The following TPRA1 variants were observed in gnomAD, a reference collection of about 807,000 sequenced individuals.
TPRA1 encodes the protein transmembrane protein adipocyte associated 1.
TPRA1 carries 28 observed loss-of-function variants against 40.1 expected under a neutral mutation model. The ratio of observed to expected loss-of-function variants is 0.70; its 90% CI spans 0.52 to 0.96. The LOEUF is 0.96. Among genes scored for constraint, TPRA1 ranks in the 40% least tolerant of loss-of-function variants. The pLI is 0.00. For missense variants in TPRA1, 441 were observed against 482.6 expected, an observed-to-expected ratio of 0.91 and a Z score of 0.81; for synonymous variants, 219 against 209.7, an observed-to-expected ratio of 1.04 and a Z score of -0.38.
rs755765427 is a variant in TPRA1, at chr3:127,576,947, C to A, written c.345+43G>T. ...CTGGACCAGCATCCCCAGCCCACCC[C>A]AGGCCAGGCCTCCCTGGCCTCCCTC... On this transcript the variant is annotated intron_variant, in intron 4 of 10. Coordinates refer to ENST00000355552, the MANE Select transcript of TPRA1 (RefSeq NM_001136053.4). The surrounding 1 kb of genome is among the most constrained non-coding windows in gnomAD (Gnocchi z 4.6). The A allele has an allele frequency of 1.2e-6, 2 of 1,613,396 alleles. No homozygotes were observed. Among genetic ancestry groups the A allele is most frequent in the African/African-American group, 2.7e-5 (2 of 75,056 alleles).
chr3:127,581,909 G>A (rs797003750), intron 1 of TPRA1, among the ~76,000 whole-genome samples: 23 of 146,030 alleles, frequency 1.6e-4, no homozygotes, highest in African/African-American at 5.3e-4. Context: ...GCGACAGAGC[G>A]AGACTCCATC....
chr3:127,591,539 C>T (rs1012962717), upstream of TPRA1, among the ~76,000 whole-genome samples: 4 of 152,312 alleles, frequency 2.6e-5, no homozygotes, highest in African/African-American at 9.6e-5. Context: ...ATGCGGGTCT[C>T]TGTTTCTGTC....
intron 1 of TPRA1, among the ~76,000 whole-genome samples, chr3:127,580,693 C>T (rs986626366): frequency 6.6e-6 from 1 of 152,264 alleles, no homozygotes; most frequent in African/African-American, 2.4e-5. Flanking sequence ...TCAGAGGCCA[C>T]TGACTTGTGT....
At position 127,572,195 on chromosome 3, in the gene TPRA1, G is replaced by A. The variant is rs768397826; in HGVS notation, c.*1326C>T. Among the ~76,000 whole-genome samples, 9 of 152,182 alleles carry A rather than the reference G, an allele frequency of 5.9e-5. No individual in the cohort carries two copies. Among genetic ancestry groups the A allele is most frequent in the Non-Finnish European group, 1.2e-4 (8 of 68,022 alleles). ...CATTGGCCCCACAGACATGAGCTGT[G>A]TTGGAGCTTGTGCCCTCGGCACCCC... On this transcript the variant is annotated 3_prime_UTR_variant, in exon 11 of 11. Coordinates refer to ENST00000355552, the MANE Select transcript of TPRA1 (RefSeq NM_001136053.4).
At position 127,576,986 on chromosome 3, in the gene TPRA1, GCACCTTATCAGCAA is replaced by G. The variant is rs764149203; in HGVS notation, c.335_345+3del. On this transcript the variant is annotated splice_donor_variant and splice_donor_region_variant and coding_sequence_variant and intron_variant, in exon 4 of 11. Coordinates refer to ENST00000355552, the MANE Select transcript of TPRA1 (RefSeq NM_001136053.4). LOFTEE classifies it high-confidence loss of function. This position sits in a 1 kb window ranked among gnomAD's most constrained non-coding sequence, Gnocchi z 4.6. ...CTGGCCTCCCTCAGAGGGCCCAGCC[GCACCTTATCAGCAA>G]CAGTTGCAGCGTTCGAGGTGCTCAC... The G allele has an allele frequency of 6.2e-7, 1 of 1,613,748 alleles. No homozygotes were observed. Among genetic ancestry groups the G allele is most frequent in the Admixed American group, 1.7e-5 (1 of 60,034 alleles).
At chr3:127,575,658 A>C in intron 8 of TPRA1, 91 bp downstream of exon 8, 1 of 1,548,116 alleles carries the variant, frequency 6.5e-7, no homozygotes, top group East Asian at 2.3e-5. Flanking sequence ...CTGGAACTCT[A>C]CAGCTCCAGC....
rs200958068 is a variant in TPRA1, at chr3:127,576,968, C to T, written c.345+22G>A. The T allele has an allele frequency of 2.9e-5, 47 of 1,613,606 alleles. 1 individual carries two copies. The East Asian group carries it at 9.8e-4, about 34-fold the overall frequency. On this transcript the variant is annotated intron_variant, in intron 4 of 10. Coordinates refer to ENST00000355552, the MANE Select transcript of TPRA1 (RefSeq NM_001136053.4). This position sits in a 1 kb window ranked among gnomAD's most constrained non-coding sequence, Gnocchi z 4.6. The stretch of plus-strand genomic sequence containing the variant: ...ACCCCAGGCCAGGCCTCCCTGGCCT[C>T]CCTCAGAGGGCCCAGCCGCACCTTA...
chr3:127,572,576 G>A lies in TPRA1; in HGVS notation c.*945C>T, dbSNP rs1238707417. ...TCAGTCCCCGAGTCCTGTCTGCTGG[G>A]GGCCTACTATGTGCCAAGCACTATT... On this transcript the variant is annotated 3_prime_UTR_variant, in exon 11 of 11. Coordinates refer to ENST00000355552, the MANE Select transcript of TPRA1 (RefSeq NM_001136053.4). Among the ~76,000 whole-genome samples the A allele has an allele frequency of 1.3e-5, 2 of 152,120 alleles. No individual in the cohort carries two copies. Among genetic ancestry groups the A allele is most frequent in the Non-Finnish European group, 2.9e-5 (2 of 68,030 alleles).
At chr3:127,575,061 T>C in intron 10 of TPRA1, 124 bp downstream of exon 10, 2 of 1,017,650 alleles carry the variant, frequency 2.0e-6, no homozygotes, top group Non-Finnish European at 1.5e-6. Flanking sequence ...TGCATGTATG[T>C]ATGTGCGTGC....
chr3:127,592,377 T>G (rs12487975), upstream of TPRA1, among the ~76,000 whole-genome samples: 16,305 of 128,788 alleles, frequency 0.13, 1,337 homozygotes, highest in Non-Finnish European at 0.18. Flanking sequence ...GTTTTTTTTT[T>G]TTTTTTTTTT....
chr3:127,586,834 G>T (rs2074016368), intron 1 of TPRA1, among the ~76,000 whole-genome samples: 1 of 152,228 alleles, frequency 6.6e-6, no homozygotes, highest in African/African-American at 2.4e-5. Context: ...AGGCACAGAG[G>T]CCAGTGGGGA....
intron 2 of TPRA1, 65 bp downstream of exon 2, chr3:127,579,957 A>AC: frequency 1.2e-6 from 2 of 1,606,124 alleles, no homozygotes; most frequent in Admixed American, 1.7e-5. Flanking sequence ...CACCCTCACC[A>AC]CCCCCCTACA....
At chr3:127,584,537 T>C (rs1378919027) in intron 1 of TPRA1, among the ~76,000 whole-genome samples, 1 of 137,058 alleles carries the variant, frequency 7.3e-6, no homozygotes, top group Admixed American at 7.7e-5. Flanking sequence ...TGGAGCAGAA[T>C]GACAAGAAAC....
At position 127,576,527 on chromosome 3, in the gene TPRA1, AT is replaced by A; in HGVS notation, c.498+89del. 1 of 1,275,862 alleles carries A rather than the reference AT, an allele frequency of 7.8e-7. No individual in the cohort carries two copies. The highest frequency in any genetic ancestry group is 1.1e-6 in the Non-Finnish European group (1 of 927,624). The allele number at this position is 1,275,862 out of a possible 1,614,324, so 79.0% of individuals were successfully genotyped here. A position where few individuals can be genotyped will look rare whatever the true frequency, so the allele number is the denominator to read the frequency against. ...CAAAGTTTTGAGAACTCTGAAGGTGATAAAGACTGGAAACCTGACCCAGACC... is the reference window on the plus strand; with the variant it reads ...CAAAGTTTTGAGAACTCTGAAGGTGAAAAGACTGGAAACCTGACCCAGACC... On this transcript the variant is annotated intron_variant, in intron 6 of 10. Transcript: ENST00000355552. This position sits in a 1 kb window ranked among gnomAD's most constrained non-coding sequence, Gnocchi z 4.6.
intron 10 of TPRA1, 145 bp from the exon 11 acceptor site, chr3:127,573,933 C>A: frequency 9.1e-7 from 1 of 1,098,406 alleles, no homozygotes; most frequent in Non-Finnish European, 1.2e-6. Context: ...GTGAGCTGGA[C>A]CCCAGAGCCC....
Position 127,575,508 on chromosome 3 carries a change from G to A in TPRA1, c.671-3C>T. The A allele has an allele frequency of 6.4e-7, 1 of 1,559,408 alleles. No homozygotes were observed. Among genetic ancestry groups the A allele is most frequent in the South Asian group, 1.2e-5 (1 of 83,684 alleles). ...ATACACGTAGAAGCTCCTCCGAGCT[G>A]GGGGCCGGACAGGGTGGGTCGTGAG... On this transcript the variant is annotated splice_polypyrimidine_tract_variant and splice_region_variant and intron_variant, in intron 8 of 10. Transcript: ENST00000355552.
upstream of TPRA1, among the ~76,000 whole-genome samples, chr3:127,593,952 TCA>T (rs1471179771): frequency 1.3e-5 from 2 of 152,212 alleles, no homozygotes; most frequent in African/African-American, 4.8e-5. Context: ...TCCTTTGTCA[TCA>T]CAGTCTGAAG....
At position 127,575,231 on chromosome 3, in the gene TPRA1, AGCTGAAGTACAGGAAG is replaced by A. The variant is rs767584483; in HGVS notation, c.792_807del (p.Phe265SerfsTer238). On this transcript the variant is annotated frameshift_variant, in exon 10 of 11. Transcript: ENST00000355552. LOFTEE classifies it high-confidence loss of function. ...GCCACGTAGATGAGCGGAGCGAAGA[AGCTGAAGTACAGGAAG>A]GTTGTGGCATCTACACAGCTGCGGA... is the stretch of plus-strand genomic sequence containing the variant. The A allele has an allele frequency of 6.2e-7, 1 of 1,613,914 alleles. No individual in the cohort carries two copies. Among genetic ancestry groups the A allele is most frequent in the Non-Finnish European group, 8.5e-7 (1 of 1,179,950 alleles).
At chr3:127,589,240 C>CGACTGT (rs1239135779) in intron 1 of TPRA1, among the ~76,000 whole-genome samples, 1 of 148,016 alleles carries the variant, frequency 6.8e-6, no homozygotes, top group African/African-American at 2.5e-5. Context: ...CCGCTGAGAA[C>CGACTGT]GACTGGGTAA....
Sources: allele counts gnomAD v4.1 joint callset (sites outside exome capture counted in the v4.1 genomes callset), GRCh38; gene constraint gnomAD v4.1.1; non-coding constraint Gnocchi (gnomAD v3.1); transcripts MANE v1.5; gene names NCBI Gene and HGNC (gene_info 2026-07-23, HGNC 2026-07-21).